Variants in SLC44A5 observed in about 807,000 individuals in gnomAD.
SLC44A5 encodes solute carrier family 44 member 5.
Under a neutral mutation model 101.8 loss-of-function variants are expected in SLC44A5, and 57 were observed. The observed-to-expected ratio is 0.56, with a 90% CI of 0.45 to 0.70. The LOEUF (loss-of-function observed/expected upper bound fraction) is 0.70, where lower values mean the gene tolerates loss of function less well. SLC44A5 is among the 30% of genes least tolerant of loss of function. The probability of loss-of-function intolerance (pLI) is 0.00; values close to 1 mark genes in which losing one functional copy is unlikely to be tolerated. For synonymous variants in SLC44A5, 281 were observed against 290.9 expected (o/e 0.97, Z 0.35); for missense variants, 737 against 853.1 (o/e 0.86, Z 1.70).
At position 75,341,476 on chromosome 1, in the gene SLC44A5, A is replaced by T. The variant is rs79386901; in HGVS notation, c.53-1846T>A. The stretch of plus-strand genomic sequence containing the variant: ...CAGCTTGGGCGAGAGAGCAAGACAG[A>T]TGAGAGAAAGAAAAGAAAGAGAAAG... On this transcript the variant is annotated intron_variant, in intron 3 of 23. Transcript: ENST00000370859. Among the ~76,000 whole-genome samples the T allele has an allele frequency of 5.6e-3, 859 of 152,052 alleles. 10 individuals are homozygous for T. The highest frequency in any genetic ancestry group is 0.02 in the African/African-American group (827 of 41,460).
chr1:75,557,393 G>C (rs1158202468), intron 1 of SLC44A5, among the ~76,000 whole-genome samples: 2 of 152,086 alleles, frequency 1.3e-5, no homozygotes, highest in Non-Finnish European at 2.9e-5. Context: ...GGGAGAGAAA[G>C]GAAGGAGTGA....
intron 9 of SLC44A5, 75 bp from the exon 10 acceptor site, chr1:75,238,711 T>C (rs1248227359): frequency 2.2e-5 from 22 of 998,012 alleles, no homozygotes; most frequent in Non-Finnish European, 2.7e-5. Flanking sequence ...TTCTTAAGCT[T>C]TCTGTTATAT....
intron 6 of SLC44A5, among the ~76,000 whole-genome samples, chr1:75,258,664 G>A (rs945861835): frequency 5.3e-5 from 8 of 152,122 alleles, no homozygotes; most frequent in African/African-American, 4.8e-5. Flanking sequence ...CCAGCACAGC[G>A]TTTGAGCTCC....
At chr1:75,216,004 T>C (rs1646954577) in intron 18 of SLC44A5, 147 bp from the exon 19 acceptor site, 1 of 549,912 alleles carries the variant, frequency 1.8e-6, no homozygotes, top group Admixed American at 3.4e-5. Flanking sequence ...TTTTAACCAT[T>C]TTTAAGTGTA....
At position 75,304,698 on chromosome 1, in the gene SLC44A5, T is replaced by C. The variant is rs374943110; in HGVS notation, c.102-4013A>G. ...GAGATAACTGGGTGATCTAAGCTCA[T>C]GGCTGAAAATTATTCTGAATCATAT... On this transcript the variant is annotated intron_variant, in intron 4 of 23. Transcript: ENST00000370859. Among the ~76,000 whole-genome samples, 16 of 152,340 alleles carry C rather than the reference T, an allele frequency of 1.1e-4. No homozygotes were observed. In the East Asian group the frequency reaches 2.9e-3, roughly 28 times the overall value.
chr1:75,718,891 T>C, the SLC44A5 span, among the ~76,000 whole-genome samples: 3 of 152,230 alleles, frequency 2.0e-5, no homozygotes, highest in African/African-American at 7.2e-5. Flanking sequence ...AATTTGTCCT[T>C]CTCTCTATAT....
chr1:75,641,871 T>C, the SLC44A5 span: 1 of 1,533,208 alleles, frequency 6.5e-7, no homozygotes, highest in South Asian at 1.1e-5. Context: ...ACTACTGTGA[T>C]ATATTTAAAT....
At chr1:75,366,384 C>T (rs1239334125) in intron 3 of SLC44A5, among the ~76,000 whole-genome samples, 2 of 152,130 alleles carry the variant, frequency 1.3e-5, no homozygotes, top group African/African-American at 4.8e-5. Flanking sequence ...TTAAGAAACC[C>T]ATTGGCAGCC....
At chr1:75,268,568 A>T (rs1651198969) in intron 6 of SLC44A5, among the ~76,000 whole-genome samples, 2 of 152,202 alleles carry the variant, frequency 1.3e-5, no homozygotes, top group South Asian at 4.1e-4. Flanking sequence ...AGGGGCTCAG[A>T]AATATGAGAA....
the SLC44A5 span, among the ~76,000 whole-genome samples, chr1:75,683,287 C>T: frequency 3.3e-5 from 5 of 152,106 alleles, no homozygotes; most frequent in Non-Finnish European, 5.9e-5. Context: ...AATCATGCTG[C>T]TATAAAGACA....
chr1:75,642,559 T>C, the SLC44A5 span, among the ~76,000 whole-genome samples: 7 of 149,362 alleles, frequency 4.7e-5, no homozygotes, highest in Non-Finnish European at 8.8e-5. Flanking sequence ...GATTGACTTA[T>C]AGAGACGAAT....
At chr1:75,612,007 A>C (rs920961673), upstream of SLC44A5, among the ~76,000 whole-genome samples, 9 of 152,124 alleles carry the variant, frequency 5.9e-5, no homozygotes, top group Non-Finnish European at 1.3e-4. Flanking sequence ...GGAAGTGACT[A>C]ATCTTATCAT....
At chr1:75,397,444 G>A (rs957266471) in intron 2 of SLC44A5, among the ~76,000 whole-genome samples, 10 of 152,062 alleles carry the variant, frequency 6.6e-5, no homozygotes, top group Non-Finnish European at 1.2e-4. Flanking sequence ...TTCATCAATC[G>A]GACTAACAGT....
In SLC44A5 at chr1:75,571,152, T is replaced by A. The variant is rs182553425; in HGVS notation, c.-69-29636A>T. Among the ~76,000 whole-genome samples the A allele has an allele frequency of 6.5e-3, 985 of 152,296 alleles. 7 individuals are homozygous for A. Among genetic ancestry groups the A allele is most frequent in the Non-Finnish European group, 7.5e-3 (512 of 68,018 alleles). On this transcript the variant is annotated intron_variant, in intron 1 of 23. Transcript: ENST00000370859. ...CCTCAAAATAATATTCTCAGAGACA[T>A]TCCCAAAAATGTTGACTCTGCAAAC...
the SLC44A5 span, among the ~76,000 whole-genome samples, chr1:75,648,667 G>T: frequency 1.3e-5 from 2 of 152,024 alleles, no homozygotes; most frequent in Non-Finnish European, 2.9e-5. Flanking sequence ...AAATGCCAAG[G>T]TGCCCTATTT....
chr1:75,606,555 T>C (rs1004707647), intron 1 of SLC44A5, among the ~76,000 whole-genome samples: 64 of 152,174 alleles, frequency 4.2e-4, no homozygotes, highest in African/African-American at 1.4e-3. Flanking sequence ...AGCCATATCA[T>C]TTCTTTGCTC....
chr1:75,553,883 C>CAGGAGGAGG (rs57453178), intron 1 of SLC44A5, among the ~76,000 whole-genome samples: 10 of 149,672 alleles, frequency 6.7e-5, no homozygotes, highest in African/African-American at 2.5e-4. Context: ...CCTTGTGGAG[C>CAGGAGGAGG]AGGAGGAGGA....
At chr1:75,505,461 C>T (rs1669199346) in intron 2 of SLC44A5, among the ~76,000 whole-genome samples, 1 of 152,118 alleles carries the variant, frequency 6.6e-6, no homozygotes, top group Non-Finnish European at 1.5e-5. Context: ...AACTAATTTA[C>T]TTTTCCACCA....
rs192068824 is a variant in SLC44A5 at position 75,565,394 on chromosome 1, C to A, written c.-69-23878G>T. Among the ~76,000 whole-genome samples, 568 of 152,300 alleles carry A rather than the reference C, an allele frequency of 3.7e-3. 1 individual carries two copies. The highest frequency in any genetic ancestry group is 6.2e-3 in the Admixed American group (95 of 15,292). On this transcript the variant is annotated intron_variant, in intron 1 of 23. Coordinates refer to ENST00000370859, the MANE Select transcript of SLC44A5 (RefSeq NM_001130058.2). ...GTAAAACGAAAAATTCAGCTAGCCT[C>A]ACAAAACTGCCACTAATGCACAAAG... is the stretch of plus-strand genomic sequence containing the variant.
Sources: gnomAD v4.1 joint callset for allele counts (sites outside exome capture counted in the v4.1 genomes callset) on GRCh38, gnomAD v4.1.1 for gene constraint, MANE v1.5 for transcripts, NCBI Gene and HGNC (gene_info 2026-07-23, HGNC 2026-07-21) for gene names.